PHEX: variants seen among roughly 807,000 people sequenced by gnomAD.
PHEX encodes the protein phosphate regulating endopeptidase X-linked.
PHEX carries 16 observed loss-of-function variants against 68.0 expected under a neutral mutation model. That is an observed-to-expected ratio of 0.24 (90% CI 0.16 to 0.36). PHEX has a LOEUF of 0.36. PHEX is among the 10% of genes least tolerant of loss of function. PHEX has a pLI of 1.00. For synonymous variants in PHEX, 208 were observed against 205.1 expected (o/e 1.01, Z -0.12); for missense variants, 480 against 575.5 (o/e 0.83, Z 1.70).
chrX:22,213,030 G>A lies in PHEX; in HGVS notation c.1700+72G>A, dbSNP rs1934982116. 7.3e-6 allele frequency: 6 copies of A among 818,604 alleles called. No homozygotes were observed. The African/African-American group carries it at 1.2e-4, about 16-fold the overall frequency. 67.5% of individuals were successfully genotyped at this position (818,604 alleles called of 1,213,427 possible). A position where few individuals can be genotyped will look rare whatever the true frequency, so the allele number is the denominator to read the frequency against. ...CATGTTGCTTTGGTAGAGGACAGAA[G>A]AAACAAAGTCAAAGGTTATTCAGCA... On this transcript the variant is annotated intron_variant, in intron 16 of 21. Transcript: ENST00000379374.
intron 12 of PHEX, among the ~76,000 whole-genome samples, chrX:22,136,588 G>A (rs1932241120): frequency 1.8e-5 from 2 of 112,082 alleles, no homozygotes; most frequent in African/African-American, 3.2e-5. Context: ...TGAAGCTCTG[G>A]ACCGCAGCTA....
At chrX:22,110,737 G>A (rs148629415) in intron 9 of PHEX, among the ~76,000 whole-genome samples, 1,595 of 111,315 alleles carry the variant, frequency 0.014, 10 homozygotes, top group Middle Eastern at 0.027. Flanking sequence ...TCACTCGTAG[G>A]TGGGAATTGA....
rs754320927 is a variant in PHEX at position 22,211,076 on chromosome X, G to C, written c.1646-1828G>C. On this transcript the variant is annotated intron_variant, in intron 15 of 21. Coordinates refer to ENST00000379374, the MANE Select transcript of PHEX (RefSeq NM_000444.6). Reference sequence around the variant, plus strand: ...ACAGAAGGCTTCTCTCTCTCTTTTTGGTTATGATTCTTTGCTCTATCAGCT... The same window carrying C: ...ACAGAAGGCTTCTCTCTCTCTTTTTCGTTATGATTCTTTGCTCTATCAGCT... 4.5e-5 allele frequency among the ~76,000 whole-genome samples: 5 copies of C among 111,685 alleles called. No homozygotes were observed. In the East Asian group the frequency reaches 1.4e-3, roughly 31 times the overall value.
At chrX:22,062,487 T>C (rs946159412) in intron 3 of PHEX, among the ~76,000 whole-genome samples, 2 of 111,728 alleles carry the variant, frequency 1.8e-5, no homozygotes, top group African/African-American at 6.5e-5. Flanking sequence ...AACTTACCCA[T>C]GAGGCATTTT....
At chrX:22,041,338 C>T (rs1408469194) in intron 2 of PHEX, among the ~76,000 whole-genome samples, 1 of 101,453 alleles carries the variant, frequency 9.9e-6, no homozygotes, top group Non-Finnish European at 2.0e-5. Context: ...CTTACAGGCA[C>T]CATCTCATAA....
chrX:22,089,206 G>GGGTTTTACCCAGTATTTTT, intron 5 of PHEX, among the ~76,000 whole-genome samples: 1 of 111,073 alleles, frequency 9.0e-6, no homozygotes, highest in African/African-American at 3.3e-5. Flanking sequence ...ATTTTTAGTA[G>GGGTTTTACCCAGTATTTTT]AGACTGGGTT....
chrX:22,190,407 G>A, intron 14 of PHEX, 37 bp from the exon 15 acceptor site: 2 of 1,023,542 alleles, frequency 2.0e-6, no homozygotes, highest in African/African-American at 3.7e-5. Flanking sequence ...CCTGTATAAT[G>A]ATGATTGCTC....
chrX:22,055,382 T>C (rs949437326), intron 3 of PHEX, among the ~76,000 whole-genome samples: 9 of 110,195 alleles, frequency 8.2e-5, no homozygotes, highest in Non-Finnish European at 1.3e-4. Context: ...TCCATAATCA[T>C]TGAAAATTGG....
chrX:22,188,517 A>G (rs1488008030), intron 14 of PHEX, among the ~76,000 whole-genome samples: 5 of 112,975 alleles, frequency 4.4e-5, no homozygotes, highest in African/African-American at 1.3e-4. Flanking sequence ...TGTGTGGCCC[A>G]TGAGCTAAGA....
intron 16 of PHEX, among the ~76,000 whole-genome samples, chrX:22,217,638 C>T (rs979620496): frequency 8.9e-6 from 1 of 111,851 alleles, no homozygotes; most frequent in Admixed American, 9.5e-5. Flanking sequence ...AATAAGGATT[C>T]TAAGTGGTGT....
chrX:22,055,210 A>AAAAAAAAAAAAAAAAAAAC (rs1928040383), intron 3 of PHEX, among the ~76,000 whole-genome samples: 1 of 74,316 alleles, frequency 1.3e-5, no homozygotes, highest in Non-Finnish European at 2.5e-5. Context: ...AAAAAAAAAA[A>AAAAAAAAAAAAAAAAAAAC]AAAAACAGAC....
rs748435180 is a variant in PHEX, at chrX:22,229,662, T to G, written c.2070+2051T>G. On this transcript the variant is annotated intron_variant, in intron 20 of 21. Coordinates refer to ENST00000379374, the MANE Select transcript of PHEX (RefSeq NM_000444.6). ...CTAGCCCTTTGTCAAATGGATAGATTGCAAAAATTTTCTCCCATTCTTTAG... is the reference window on the plus strand; with the variant it reads ...CTAGCCCTTTGTCAAATGGATAGATGGCAAAAATTTTCTCCCATTCTTTAG... 2.7e-5 allele frequency among the ~76,000 whole-genome samples: 3 copies of G among 112,395 alleles called. No individual in the cohort carries two copies. In the East Asian group the frequency reaches 8.4e-4, roughly 31 times the overall value.
intron 11 of PHEX, among the ~76,000 whole-genome samples, chrX:22,130,421 G>A (rs989981740): frequency 1.5e-4 from 16 of 108,930 alleles, no homozygotes; most frequent in Non-Finnish European, 3.1e-4. Flanking sequence ...GCATGTCTGT[G>A]ATCCCAGCTA....
At chrX:22,236,305 C>G (rs1213106322) in intron 20 of PHEX, among the ~76,000 whole-genome samples, 2 of 112,428 alleles carry the variant, frequency 1.8e-5, no homozygotes, top group Middle Eastern at 4.6e-3. Context: ...ACTTTCATTA[C>G]CATGCAGTTG....
intron 11 of PHEX, among the ~76,000 whole-genome samples, chrX:22,127,703 C>CA (rs35060793): frequency 0.044 from 4,108 of 94,009 alleles, 190 homozygotes; most frequent in Admixed American, 0.11. Context: ...TAAAGTCTGC[C>CA]AAAAAAAAAA....
intron 9 of PHEX, among the ~76,000 whole-genome samples, chrX:22,101,949 T>TTTTTTAA (rs1491562745): frequency 1.9e-4 from 21 of 111,653 alleles, no homozygotes; most frequent in Non-Finnish European, 1.5e-4. Flanking sequence ...GCAGGCACTC[T>TTTTTTAA]TTTTTAATTT....
chrX:22,165,418 A>G (rs1311735537), intron 12 of PHEX, among the ~76,000 whole-genome samples: 1 of 111,816 alleles, frequency 8.9e-6, no homozygotes, highest in Non-Finnish European at 1.9e-5. Context: ...AGTACAAATT[A>G]TACCTCAGAG....
intron 2 of PHEX, 89 bp downstream of exon 2, chrX:22,038,626 G>A (rs1414072158): frequency 1.6e-6 from 1 of 638,209 alleles, no homozygotes; most frequent in African/African-American, 2.2e-5. Context: ...TTAGTATTCT[G>A]TTTGCTTGAG....
rs368984487 is a variant in PHEX at position 22,134,449 on chromosome X, C to T, written c.1404+825C>T. Among the ~76,000 whole-genome samples the T allele has an allele frequency of 1.1e-4, 12 of 111,827 alleles. No individual in the cohort carries two copies. The East Asian group carries it at 1.1e-3, about 11-fold the overall frequency. Reference sequence around the variant, plus strand: ...CTGCTAAAAATACAAAAAAATTAGTCGGGTGTGGTGGCATGCATCTGTAGT... The same window carrying T: ...CTGCTAAAAATACAAAAAAATTAGTTGGGTGTGGTGGCATGCATCTGTAGT... On this transcript the variant is annotated intron_variant, in intron 12 of 21. Coordinates refer to ENST00000379374, the MANE Select transcript of PHEX (RefSeq NM_000444.6).
Sources: gnomAD v4.1 joint callset for allele counts (sites outside exome capture counted in the v4.1 genomes callset) on GRCh38, gnomAD v4.1.1 for gene constraint, MANE v1.5 for transcripts, NCBI Gene and HGNC (gene_info 2026-07-23, HGNC 2026-07-21) for gene names.